NCAM2: variants seen among roughly 807,000 people sequenced by gnomAD.
NCAM2 encodes N-CAM-2.
Under a neutral mutation model 98.1 loss-of-function variants are expected in NCAM2, and 30 were observed. The ratio of observed to expected loss-of-function variants is 0.31; its 90% CI spans 0.23 to 0.41. The LOEUF is 0.41. Ranked by LOEUF, NCAM2 falls within the 10% of genes least tolerant of loss-of-function variation. The pLI, the probability that NCAM2 is intolerant of heterozygous loss-of-function variation, is 1.00. For synonymous variants in NCAM2, 368 were observed against 342.4 expected (o/e 1.07, Z -0.83); for missense variants, 867 against 1,005.8 (o/e 0.86, Z 1.87).
At chr21:21,313,879 A>G (rs578090405) in intron 5 of NCAM2, among the ~76,000 whole-genome samples, 28 of 152,048 alleles carry the variant, frequency 1.8e-4, no homozygotes, top group Admixed American at 1.7e-3. Flanking sequence ...TGCCGTTGTA[A>G]TTCAATGTCC....
At chr21:21,426,107 C>G (rs371852846) in intron 11 of NCAM2, among the ~76,000 whole-genome samples, 2 of 152,000 alleles carry the variant, frequency 1.3e-5, no homozygotes, top group Non-Finnish European at 2.9e-5. Context: ...ATCTTATTCT[C>G]GAGGGTGGAT....
At chr21:21,381,782 A>G (rs2076159235) in intron 9 of NCAM2, among the ~76,000 whole-genome samples, 1 of 152,088 alleles carries the variant, frequency 6.6e-6, no homozygotes, top group African/African-American at 2.4e-5. Flanking sequence ...AATATTTTAT[A>G]TGTATTCATC....
intron 1 of NCAM2, among the ~76,000 whole-genome samples, chr21:21,223,032 A>C (rs1194802735): frequency 6.6e-6 from 1 of 152,074 alleles, no homozygotes; most frequent in Non-Finnish European, 1.5e-5. Flanking sequence ...AAAAAAATTT[A>C]CTTCTTACAT....
rs1291478325 is a variant in NCAM2 at position 21,373,996 on chromosome 21, T to C, written c.1178T>C (p.Met393Thr). 1.2e-5 allele frequency: 20 copies of C among 1,608,556 alleles called. No homozygotes were observed. Among genetic ancestry groups the C allele is most frequent in the East Asian group, 2.2e-5 (1 of 44,712 alleles). Residue 393 changes from methionine to threonine, a missense_variant, in exon 9 of 18, where the codon ATG becomes ACG. Met to Thr is a moderately conservative substitution (Grantham distance 81). Around this residue, in one of 5 missense-constraint regions of NCAM2, gnomAD observed 447 missense variants for 495.7 expected, o/e 0.90. Coordinates refer to ENST00000400546, the MANE Select transcript of NCAM2 (RefSeq NM_004540.5). ...AGAATTGGAGGGCATCAAAAGAGCA[T>C]GTACCTTGATATTGAATGTAAGTTA... ...ASRIGGHQKS[M>T]YLDIEYAPKF...
Position 21,049,871 on chromosome 21 carries a change from CA to C in NCAM2, c.55+51266del, listed in dbSNP as rs11412655. On this transcript the variant is annotated intron_variant, in intron 1 of 17. Transcript: ENST00000400546. ...GGGCAAAAAGAGTGAAACTCCATCT[CA>C]AAAAAAAAAAAATTGTTAATATTAC... 9.6e-3 allele frequency among the ~76,000 whole-genome samples: 1,337 copies of C among 139,592 alleles called. 19 individuals are homozygous for C. Among genetic ancestry groups the C allele is most frequent in the African/African-American group, 0.031 (1,159 of 37,562 alleles). 91.6% of individuals were successfully genotyped at this position (139,592 alleles called of 152,430 possible).
At position 21,345,459 on chromosome 21, in the gene NCAM2, C is replaced by T. The variant is rs1336785485; in HGVS notation, c.1044+6925C>T. ...AATTACAACGAATCAAGTAGAAATT[C>T]TGGAGCTGAAAAATGCAGCAGGCAT... On this transcript the variant is annotated intron_variant, in intron 8 of 17. Coordinates refer to ENST00000400546, the MANE Select transcript of NCAM2 (RefSeq NM_004540.5). 2.6e-5 allele frequency among the ~76,000 whole-genome samples: 4 copies of T among 151,988 alleles called. No individual in the cohort carries two copies. In the East Asian group the frequency reaches 7.7e-4, roughly 29 times the overall value.
intron 1 of NCAM2, among the ~76,000 whole-genome samples, chr21:21,193,373 A>T (rs2068890032): frequency 6.6e-6 from 1 of 152,196 alleles, no homozygotes; most frequent in Non-Finnish European, 1.5e-5. Flanking sequence ...GATTGACAGA[A>T]ATGGGAAGTT....
chr21:21,188,778 T>C (rs2068722132), intron 1 of NCAM2, among the ~76,000 whole-genome samples: 1 of 152,200 alleles, frequency 6.6e-6, no homozygotes, highest in Non-Finnish European at 1.5e-5. Flanking sequence ...ATACATAAGA[T>C]ATGTGACTGG....
At chr21:21,034,452 G>A (rs147378229) in intron 1 of NCAM2, among the ~76,000 whole-genome samples, 23 of 152,210 alleles carry the variant, frequency 1.5e-4, no homozygotes, top group East Asian at 3.9e-4. Flanking sequence ...TTTCTCGGTC[G>A]TCCATACATC....
chr21:21,252,199 G>A (rs551709939), intron 1 of NCAM2, among the ~76,000 whole-genome samples: 7 of 152,034 alleles, frequency 4.6e-5, no homozygotes, highest in South Asian at 4.2e-4. Flanking sequence ...GTAAGGAAAC[G>A]ATAGATGCTG....
intron 14 of NCAM2, among the ~76,000 whole-genome samples, chr21:21,470,108 C>G (rs374013024): frequency 6.6e-6 from 1 of 151,920 alleles, no homozygotes; most frequent in Non-Finnish European, 1.5e-5. Flanking sequence ...TGTGAGACAA[C>G]GTGTTGTATA....
intron 15 of NCAM2, among the ~76,000 whole-genome samples, chr21:21,479,269 C>G (rs1602461360): frequency 6.6e-6 from 1 of 151,760 alleles, no homozygotes; most frequent in Admixed American, 6.6e-5. Flanking sequence ...TGTTATACCC[C>G]CAATGACTCT....
chr21:21,180,096 C>T (rs75473995), intron 1 of NCAM2, among the ~76,000 whole-genome samples: 3,139 of 152,188 alleles, frequency 0.021, 111 homozygotes, highest in African/African-American at 0.071. Context: ...CTTGGCTTCT[C>T]CTCATCACTA....
At chr21:21,156,976 T>C (rs1450463123) in intron 1 of NCAM2, among the ~76,000 whole-genome samples, 1 of 152,124 alleles carries the variant, frequency 6.6e-6, no homozygotes, top group Non-Finnish European at 1.5e-5. Flanking sequence ...ATCCCAATTA[T>C]TATTGGTAAA....
chr21:21,210,661 G>C (rs377423109), intron 1 of NCAM2: 1 of 1,279,164 alleles, frequency 7.8e-7, no homozygotes, highest in Non-Finnish European at 1.0e-6. Flanking sequence ...TTATCTTGAA[G>C]AAGGGCAACC....
At chr21:21,504,267 G>T (rs1475793802) in intron 15 of NCAM2, among the ~76,000 whole-genome samples, 1 of 151,768 alleles carries the variant, frequency 6.6e-6, no homozygotes. Context: ...GACCTCTCTG[G>T]ATCTCAGTTT....
At chr21:21,411,690 T>C (rs2076891257) in intron 10 of NCAM2, among the ~76,000 whole-genome samples, 1 of 152,094 alleles carries the variant, frequency 6.6e-6, no homozygotes, top group Admixed American at 6.5e-5. Flanking sequence ...ATTCACTAAT[T>C]CAGTTTGCAT....
chr21:21,107,902 C>T (rs1252767151), intron 1 of NCAM2, among the ~76,000 whole-genome samples: 2 of 152,010 alleles, frequency 1.3e-5, no homozygotes, highest in Non-Finnish European at 2.9e-5. Flanking sequence ...CTGTACCCTT[C>T]AGAAGCTTAT....
intron 8 of NCAM2, among the ~76,000 whole-genome samples, chr21:21,353,514 G>A (rs925623723): frequency 7.9e-5 from 12 of 152,134 alleles, no homozygotes. Context: ...CATCCATACA[G>A]GCGAGTGCAC....
Sources: allele counts gnomAD v4.1 joint callset (sites outside exome capture counted in the v4.1 genomes callset), GRCh38; gene constraint gnomAD v4.1.1; regional missense constraint gnomAD v4.1.1; transcripts MANE v1.5; gene names NCBI Gene and HGNC (gene_info 2026-07-23, HGNC 2026-07-21).